The following PIK3R3 variants were observed in gnomAD, a reference collection of about 807,000 sequenced individuals.
PIK3R3 encodes phosphoinositide-3-kinase regulatory subunit 3, also known as phosphatidylinositol 3-kinase regulatory subunit gamma.
In PIK3R3, 64 loss-of-function variants were observed where a neutral mutation model predicts 62.9. That is an observed-to-expected ratio of 1.02 (90% CI 0.83 to 1.25). The LOEUF (loss-of-function observed/expected upper bound fraction) is 1.25. PIK3R3 is among the 50% of genes most tolerant of loss of function. The pLI, the probability that PIK3R3 is intolerant of heterozygous loss-of-function variation, is 0.00. For missense variants in PIK3R3, 614 were observed against 561.6 expected, an observed-to-expected ratio of 1.09 and a Z score of -0.94; for synonymous variants, 165 against 189.0, an observed-to-expected ratio of 0.87 and a Z score of 1.04.
the PIK3R3 span, among the ~76,000 whole-genome samples, chr1:46,148,757 A>T: frequency 2.0e-5 from 3 of 152,010 alleles, no homozygotes; most frequent in African/African-American, 7.3e-5. Context: ...AGAGAGAGAG[A>T]GAGAGAGAGA....
Position 46,042,203 on chromosome 1 carries a change from CCCCCACTCCATTTGCCTAG to C in PIK3R3, c.*1451_*1469del, listed in dbSNP as rs1484031428. The C allele has an allele frequency of 1.3e-5, 3 of 223,772 alleles. No homozygotes were observed. Among genetic ancestry groups the C allele is most frequent in the African/African-American group, 6.7e-5 (3 of 44,810 alleles). The allele number at this position is 223,772 out of a possible 1,614,324, so 13.9% of individuals were successfully genotyped here. A position where few individuals can be genotyped will look rare whatever the true frequency, so the allele number is the denominator to read the frequency against. ...TGATGGGGGCAGGAATAGATGCCTG[CCCCCACTCCATTTGCCTAG>C]CTTCACTCAGCTGGAAGGCTTAAGC... On this transcript the variant is annotated 3_prime_UTR_variant, in exon 10 of 10. Transcript: ENST00000262741. The surrounding 1 kb of genome is among the most constrained non-coding windows in gnomAD (Gnocchi z 4.3).
chr1:46,114,259 G>A (rs1032664771), intron 1 of PIK3R3, among the ~76,000 whole-genome samples: 2 of 152,156 alleles, frequency 1.3e-5, no homozygotes, highest in African/African-American at 4.8e-5. Context: ...TGAAGGAGGA[G>A]TGGTTCCAAG....
chr1:46,171,568 G>A, the PIK3R3 span, among the ~76,000 whole-genome samples: 1 of 152,156 alleles, frequency 6.6e-6, no homozygotes, highest in Non-Finnish European at 1.5e-5. Flanking sequence ...TTGCATTGTG[G>A]GGTTGGAGCT....
chr1:46,117,837 G>A (rs966252680), intron 1 of PIK3R3, among the ~76,000 whole-genome samples: 3 of 152,194 alleles, frequency 2.0e-5, no homozygotes, highest in Non-Finnish European at 4.4e-5. Context: ...GGGAGGCCAG[G>A]GTAAGGGAAT....
At chr1:46,138,796 A>G in the PIK3R3 span, 1 of 152,248 alleles carries the variant, frequency 6.6e-6, no homozygotes, top group Admixed American at 6.5e-5. Context: ...AAAGGCATGA[A>G]CATGATTGTT....
rs755888231 is a variant in PIK3R3, at chr1:46,043,867, C to A, written c.1192G>T (p.Asp398Tyr). 1.2e-6 allele frequency: 2 copies of A among 1,612,516 alleles called. No homozygotes were observed. Among genetic ancestry groups the A allele is most frequent in the Non-Finnish European group, 1.7e-6 (2 of 1,179,162 alleles). The change falls in exon 10 of 10, where the codon GAT becomes TAT. Residue 398 changes from aspartate (D) to tyrosine (Y), a missense_variant. Coordinates refer to ENST00000262741, the MANE Select transcript of PIK3R3 (RefSeq NM_003629.4). ...ATCACACAGTGCTTCACTTCCCCAT[C>A]GGCCCTGCAATGACAAACCACAGAA... ...KGCYACSVVA[D>Y]GEVKHCVIYS...
At chr1:46,168,493 A>T in the PIK3R3 span, among the ~76,000 whole-genome samples, 737 of 152,228 alleles carry the variant, frequency 4.8e-3, 14 homozygotes, top group East Asian at 0.046. Flanking sequence ...GCTAAATGAG[A>T]TGACCCCCAG....
upstream of PIK3R3, chr1:46,132,696 C>T (rs2149482859): frequency 7.8e-7 from 1 of 1,289,694 alleles, no homozygotes; most frequent in South Asian, 1.2e-5. Context: ...CCATGCTGCC[C>T]ACCCGCTGAG....
the PIK3R3 span, among the ~76,000 whole-genome samples, chr1:46,138,304 T>TA: frequency 6.6e-6 from 1 of 152,244 alleles, no homozygotes; most frequent in African/African-American, 2.4e-5. Context: ...AAAACCATTT[T>TA]ATACGTTTCA....
chr1:46,045,741 A>G (rs984966185), intron 9 of PIK3R3, among the ~76,000 whole-genome samples, 177 bp downstream of exon 9: 3 of 150,836 alleles, frequency 2.0e-5, no homozygotes, highest in African/African-American at 7.3e-5. Context: ...AAACTCCAAG[A>G]TAATTTCAGA....
intron 1 of PIK3R3, among the ~76,000 whole-genome samples, chr1:46,127,453 G>T (rs1459339330): frequency 6.6e-6 from 1 of 150,496 alleles, no homozygotes; most frequent in Non-Finnish European, 1.5e-5. Flanking sequence ...ATTTAAAAAG[G>T]AAGTTATTTA....
chr1:46,046,980 A>G (rs1211781641), intron 7 of PIK3R3: 1 of 272,330 alleles, frequency 3.7e-6, no homozygotes, highest in Non-Finnish European at 6.9e-6. Context: ...TCACATTTGC[A>G]ATCTCCACTA....
chr1:46,099,569 G>A (rs1652462305), intron 1 of PIK3R3, among the ~76,000 whole-genome samples: 1 of 152,150 alleles, frequency 6.6e-6, no homozygotes, highest in South Asian at 2.1e-4. Context: ...ATTAATTTAT[G>A]TTGATACAAG....
At chr1:46,141,126 C>T in the PIK3R3 span, among the ~76,000 whole-genome samples, 177 of 152,068 alleles carry the variant, frequency 1.2e-3, no homozygotes, top group African/African-American at 4.1e-3. Context: ...TCCCAAGGTG[C>T]TGGGATTACA....
chr1:46,157,288 C>T, the PIK3R3 span, among the ~76,000 whole-genome samples: 1 of 152,166 alleles, frequency 6.6e-6, no homozygotes, highest in Non-Finnish European at 1.5e-5. Flanking sequence ...CACATACCAC[C>T]ACGCCAGCTA....
chr1:46,093,928 G>T (rs1002333294), intron 1 of PIK3R3, among the ~76,000 whole-genome samples: 1 of 151,624 alleles, frequency 6.6e-6, no homozygotes, highest in Admixed American at 6.6e-5. Context: ...AATCAGCCGG[G>T]TATGGTGGTG....
chr1:46,117,653 A>G (rs1654303155), intron 1 of PIK3R3, among the ~76,000 whole-genome samples: 1 of 152,110 alleles, frequency 6.6e-6, no homozygotes, highest in Non-Finnish European at 1.5e-5. Flanking sequence ...AGGCTGAGGT[A>G]AGAGGATTGC....
At chr1:46,167,306 T>A in the PIK3R3 span, among the ~76,000 whole-genome samples, 49 of 152,200 alleles carry the variant, frequency 3.2e-4, no homozygotes, top group African/African-American at 1.0e-3. Context: ...GATGTCCCCA[T>A]CCCTTCCTGG....
chr1:46,067,800 G>A (rs566517570), intron 3 of PIK3R3, among the ~76,000 whole-genome samples: 1 of 152,134 alleles, frequency 6.6e-6, no homozygotes, highest in Admixed American at 6.6e-5. Flanking sequence ...TATATTAGAT[G>A]AATGTAATTT....
Sources: allele counts gnomAD v4.1 joint callset (sites outside exome capture counted in the v4.1 genomes callset), GRCh38; gene constraint gnomAD v4.1.1; non-coding constraint Gnocchi (gnomAD v3.1); transcripts MANE v1.5; gene names NCBI Gene and HGNC (gene_info 2026-07-23, HGNC 2026-07-21).